HYCC1: variants seen among roughly 807,000 people sequenced by gnomAD.
HYCC1 encodes hyccin PI4KA lipid kinase complex subunit 1.
the HYCC1 span, among the ~76,000 whole-genome samples, chr7:22,925,575 G>T: frequency 6.6e-6 from 1 of 152,112 alleles, no homozygotes; most frequent in African/African-American, 2.4e-5. Context: ...TGGAAGAAAG[G>T]GTATCAGTGA....
the HYCC1 span, among the ~76,000 whole-genome samples, chr7:23,001,410 T>C: frequency 6.6e-6 from 1 of 152,178 alleles, no homozygotes. Flanking sequence ...TCCCTACCCA[T>C]GGCACCTAAA....
At chr7:22,921,186 G>C in the HYCC1 span, among the ~76,000 whole-genome samples, 1 of 152,138 alleles carries the variant, frequency 6.6e-6, no homozygotes, top group African/African-American at 2.4e-5. Context: ...TACAAAGCAA[G>C]TATATAAAAC....
the HYCC1 span, among the ~76,000 whole-genome samples, chr7:22,913,613 G>C: frequency 6.6e-6 from 1 of 152,224 alleles, no homozygotes; most frequent in African/African-American, 2.4e-5. Flanking sequence ...TAAGTCTCTG[G>C]AGCTCCCTTG....
At chr7:23,009,220 G>C in the HYCC1 span, among the ~76,000 whole-genome samples, 1 of 151,998 alleles carries the variant, frequency 6.6e-6, no homozygotes, top group Non-Finnish European at 1.5e-5. Context: ...CATTATAAGT[G>C]TTATTTACCA....
At chr7:23,000,252 T>A in the HYCC1 span, among the ~76,000 whole-genome samples, 3 of 152,172 alleles carry the variant, frequency 2.0e-5, no homozygotes, top group Non-Finnish European at 4.4e-5. Context: ...TGCTATATAA[T>A]CAGCAGTTCT....
the HYCC1 span, among the ~76,000 whole-genome samples, chr7:23,000,572 A>T: frequency 2.8e-4 from 43 of 152,330 alleles, no homozygotes; most frequent in East Asian, 5.2e-3. Flanking sequence ...GACATTTTTT[A>T]AAAATATGTG....
At chr7:22,989,285 AACACACACACACACACACACACAC>A in the HYCC1 span, among the ~76,000 whole-genome samples, 1 of 148,592 alleles carries the variant, frequency 6.7e-6, no homozygotes, top group Non-Finnish European at 1.5e-5. Context: ...ACAAGCAGGA[AACACACACACACACACACACACAC>A]ACACACACAC....
the HYCC1 span, chr7:22,977,274 A>G: frequency 1.0e-6 from 1 of 987,190 alleles, no homozygotes; most frequent in East Asian, 2.4e-5. Context: ...CTAAATAACT[A>G]GATTATAACT....
At chr7:22,991,937 T>C in the HYCC1 span, among the ~76,000 whole-genome samples, 1 of 152,048 alleles carries the variant, frequency 6.6e-6, no homozygotes, top group East Asian at 1.9e-4. Context: ...GAAACTTAGG[T>C]AGAGTAGCCA....
chr7:22,976,914 T>C, the HYCC1 span: 1 of 700,622 alleles, frequency 1.4e-6, no homozygotes, highest in Non-Finnish European at 2.5e-6. Flanking sequence ...ACATCATATA[T>C]CTTAAACATA....
At chr7:22,927,140 C>A in the HYCC1 span, among the ~76,000 whole-genome samples, 1 of 152,004 alleles carries the variant, frequency 6.6e-6, no homozygotes, top group Admixed American at 6.5e-5. Context: ...CCAACGAGAA[C>A]AAAGATACAA....
the HYCC1 span, among the ~76,000 whole-genome samples, chr7:23,002,537 G>C: frequency 3.3e-5 from 5 of 152,208 alleles, no homozygotes; most frequent in African/African-American, 4.8e-5. Flanking sequence ...GAATTAGCCA[G>C]TTGCTTGCCA....
chr7:22,899,050 T>C, the HYCC1 span, among the ~76,000 whole-genome samples: 1 of 152,240 alleles, frequency 6.6e-6, no homozygotes, highest in Non-Finnish European at 1.5e-5. Context: ...CTGCCACTTA[T>C]GACCTTAGAG....
At chr7:22,990,179 T>G in the HYCC1 span, among the ~76,000 whole-genome samples, 1 of 152,216 alleles carries the variant, frequency 6.6e-6, no homozygotes, top group Non-Finnish European at 1.5e-5. Flanking sequence ...CCAGACCAGA[T>G]GTTCACCCCA....
chr7:22,970,413 A>G, the HYCC1 span, among the ~76,000 whole-genome samples: 5 of 152,228 alleles, frequency 3.3e-5, no homozygotes, highest in Non-Finnish European at 5.9e-5. Context: ...AGGTTCTATC[A>G]TATGCCAGGC....
At chr7:22,941,407 C>T in the HYCC1 span, 7 of 152,078 alleles carry the variant, frequency 4.6e-5, no homozygotes, top group Admixed American at 4.6e-4. Context: ...AGGGAACACA[C>T]AAAAATAGCC....
At chr7:22,989,538 TG>T in the HYCC1 span, among the ~76,000 whole-genome samples, 2 of 142,222 alleles carry the variant, frequency 1.4e-5, no homozygotes, top group African/African-American at 2.6e-5. Context: ...TTTTTTTTTT[TG>T]GAGAGAGGGG....
At chr7:22,951,688 A>G in the HYCC1 span, among the ~76,000 whole-genome samples, 2 of 151,914 alleles carry the variant, frequency 1.3e-5, no homozygotes, top group Non-Finnish European at 2.9e-5. Context: ...TTATAATAGC[A>G]AAACTCAGAA....
the HYCC1 span, among the ~76,000 whole-genome samples, chr7:22,918,735 C>G: frequency 1.3e-5 from 2 of 152,184 alleles, no homozygotes; most frequent in East Asian, 1.9e-4. Context: ...ACCCCCCACC[C>G]CTGCCCGCAA....
Sources: gnomAD v4.1 joint callset for allele counts (sites outside exome capture counted in the v4.1 genomes callset) on GRCh38, gnomAD v4.1.1 for gene constraint, MANE v1.5 for transcripts, NCBI Gene and HGNC (gene_info 2026-07-23, HGNC 2026-07-21) for gene names.